TDRD9: variants seen among roughly 807,000 people sequenced by gnomAD.
The protein encoded by TDRD9 is ATP-dependent RNA helicase TDRD9.
A neutral mutation model predicts 172.6 loss-of-function variants in TDRD9; 124 were observed. The observed-to-expected ratio is 0.72, with a 90% confidence interval of 0.62 to 0.83. The LOEUF (loss-of-function observed/expected upper bound fraction) is 0.83, where lower values mean the gene tolerates loss of function less well. TDRD9 is among the 40% of genes least tolerant of loss of function. TDRD9 has a pLI of 0.00. For synonymous variants in TDRD9, 619 were observed against 617.1 expected, an observed-to-expected ratio of 1.00 and a Z score of -0.05; for missense variants, 1,479 against 1,714.1, an observed-to-expected ratio of 0.86 and a Z score of 2.42.
At chr14:103,998,159 T>TCCAC (rs1164118156) in intron 12 of TDRD9, among the ~76,000 whole-genome samples, 1 of 143,876 alleles carries the variant, frequency 7.0e-6, no homozygotes, top group East Asian at 2.1e-4. Flanking sequence ...CATGCACACT[T>TCCAC]CTACCCACCC....
chr14:103,960,269 T>A (rs2032446913), intron 2 of TDRD9, among the ~76,000 whole-genome samples: 1 of 152,220 alleles, frequency 6.6e-6, no homozygotes, highest in African/African-American at 2.4e-5. Flanking sequence ...CAGTTAAAAT[T>A]CCTTACATGC....
chr14:104,030,310 C>A (rs538283916), intron 28 of TDRD9, among the ~76,000 whole-genome samples: 1 of 152,110 alleles, frequency 6.6e-6, no homozygotes, highest in East Asian at 1.9e-4. Flanking sequence ...CTGACCAACA[C>A]GGTGAAATCC....
At chr14:104,037,322 T>C (rs759745516) in intron 32 of TDRD9, among the ~76,000 whole-genome samples, 6 of 152,190 alleles carry the variant, frequency 3.9e-5, no homozygotes, top group Non-Finnish European at 8.8e-5. Flanking sequence ...ACCTCTCTAA[T>C]GCGCACCCGC....
At chr14:103,959,664 A>G (rs558645126) in intron 2 of TDRD9, among the ~76,000 whole-genome samples, 2 of 152,302 alleles carry the variant, frequency 1.3e-5, no homozygotes, top group African/African-American at 4.8e-5. Context: ...TTGGCCTGAT[A>G]CAGGTGTTAT....
At chr14:104,042,223 C>T (rs1437073014) in intron 34 of TDRD9, 36 bp downstream of exon 34, 1 of 1,418,720 alleles carries the variant, frequency 7.0e-7, no homozygotes, top group East Asian at 2.3e-5. Flanking sequence ...CTTTTCTTCC[C>T]AGTCAACTTT....
At chr14:104,015,668 G>A (rs1306484913) in intron 21 of TDRD9, among the ~76,000 whole-genome samples, 1 of 152,210 alleles carries the variant, frequency 6.6e-6, no homozygotes, top group African/African-American at 2.4e-5. Flanking sequence ...GGGGCTTTGT[G>A]TGTAGGATGG....
At chr14:104,039,245 C>G (rs1566802017) in intron 32 of TDRD9, among the ~76,000 whole-genome samples, 2 of 152,186 alleles carry the variant, frequency 1.3e-5, no homozygotes, top group Non-Finnish European at 2.9e-5. Flanking sequence ...TAACCACCCT[C>G]ATGATTAACT....
In TDRD9 at chr14:104,026,885, C is replaced by A; in HGVS notation, c.3228C>A (p.Asp1076Glu). Residue 1076 changes from aspartate (D) to glutamate (E), a missense_variant, in exon 28 of 36, where the codon GAC becomes GAA. By Grantham distance (45) the Asp-to-Glu change is conservative. Transcript: ENST00000409874. ...TCCAGGATGCCATCAACATAAGAGA[C>A]GTCCTCATCCAGCAGGGCTATGCCG... ...SGVQDAINIRDVLIQQGYAEL... is the reference protein window; with the variant it reads ...SGVQDAINIREVLIQQGYAEL... 6.2e-7 allele frequency: 1 copy of A among 1,614,036 alleles called. No homozygotes were observed. Among genetic ancestry groups the A allele is most frequent in the Non-Finnish European group, 8.5e-7 (1 of 1,179,880 alleles).
intron 7 of TDRD9, among the ~76,000 whole-genome samples, chr14:103,982,221 A>G (rs2033499334): frequency 6.6e-6 from 1 of 152,150 alleles, no homozygotes; most frequent in Non-Finnish European, 1.5e-5. Context: ...CCACACTGAA[A>G]CATAACTGAA....
chr14:104,000,828 T>C (rs570253845), intron 13 of TDRD9, among the ~76,000 whole-genome samples: 3 of 152,194 alleles, frequency 2.0e-5, no homozygotes, highest in South Asian at 2.1e-4. Context: ...GAAATAAATA[T>C]ACAAAGATGT....
At position 104,042,133 on chromosome 14, in the gene TDRD9, T is replaced by C; in HGVS notation, c.3920T>C (p.Leu1307Pro). 6.2e-7 allele frequency: 1 copy of C among 1,613,850 alleles called. No homozygotes were observed. The highest frequency in any genetic ancestry group is 8.5e-7 in the Non-Finnish European group (1 of 1,179,730). The change falls in exon 34 of 36, where the codon CTT (leucine) becomes CCT (proline). Residue 1307 changes from leucine (L) to proline (P), a missense_variant. This residue lies in a region of TDRD9 where 1,413 missense variants were observed against 1,649.1 expected (regional missense o/e 0.86). Coordinates refer to ENST00000409874, the MANE Select transcript of TDRD9 (RefSeq NM_153046.3). Reference sequence around the variant, plus strand: ...GATGGACCAAATGGATGCAAGTGTCTTGGGCCAGAGAGAGTTGCGCAGCTT... The same window carrying C: ...GATGGACCAAATGGATGCAAGTGTCCTGGGCCAGAGAGAGTTGCGCAGCTT... ...VCDGPNGCKC[L>P]GPERVAQLQD...
At position 104,032,041 on chromosome 14, in the gene TDRD9, C is replaced by T; in HGVS notation, c.3463C>T (p.Pro1155Ser). ...GGCAGAACTTCACGGGCCTTTTAAC[C>T]CTTATGAACTAAAGTGCCATAGTTT... ...CKAELHGPFN[P>S]YELKCHSLTR... Residue 1155 changes from proline (P) to serine (S), a missense_variant, in exon 30 of 36, where the codon CCT becomes TCT. Pro to Ser is a moderately conservative substitution (Grantham distance 74). Coordinates refer to ENST00000409874, the MANE Select transcript of TDRD9 (RefSeq NM_153046.3). 6.5e-7 allele frequency: 1 copy of T among 1,548,904 alleles called. No individual in the cohort carries two copies. The highest frequency in any genetic ancestry group is 8.7e-7 in the Non-Finnish European group (1 of 1,146,220).
At chr14:104,012,456 G>A (rs1442640528) in intron 20 of TDRD9, among the ~76,000 whole-genome samples, 1 of 149,640 alleles carries the variant, frequency 6.7e-6, no homozygotes, top group Non-Finnish European at 1.5e-5. Flanking sequence ...TCATTTGTCA[G>A]TTTTCTTGTG....
At chr14:103,990,438 C>T (rs1213780619) in intron 8 of TDRD9, among the ~76,000 whole-genome samples, 1 of 152,228 alleles carries the variant, frequency 6.6e-6, no homozygotes, top group East Asian at 1.9e-4. Flanking sequence ...TCCCTCCTCA[C>T]CTCCCATTAC....
At chr14:103,939,097 T>A (rs2031004584) in intron 1 of TDRD9, among the ~76,000 whole-genome samples, 1 of 152,190 alleles carries the variant, frequency 6.6e-6, no homozygotes. Flanking sequence ...CCAGAAGCTT[T>A]TTGCCGGGAG....
chr14:104,036,032 A>G (rs2152258293), intron 32 of TDRD9, among the ~76,000 whole-genome samples: 1 of 152,150 alleles, frequency 6.6e-6, no homozygotes, highest in East Asian at 1.9e-4. Context: ...AATATGTGCT[A>G]CTTAGAAAAA....
intron 19 of TDRD9, among the ~76,000 whole-genome samples, chr14:104,007,468 G>T (rs1000253958): frequency 6.6e-5 from 10 of 152,166 alleles, no homozygotes; most frequent in Admixed American, 2.0e-4. Flanking sequence ...GCTCCACATT[G>T]TACTGATCTT....
At chr14:103,994,145 G>A (rs1414387052) in intron 9 of TDRD9, among the ~76,000 whole-genome samples, 187 bp from the exon 10 acceptor site, 2 of 152,214 alleles carry the variant, frequency 1.3e-5, no homozygotes, top group Non-Finnish European at 2.9e-5. Flanking sequence ...ATATTTTTGA[G>A]TTACTACTAA....
intron 34 of TDRD9, among the ~76,000 whole-genome samples, chr14:104,045,328 G>A (rs909742955): frequency 6.0e-5 from 9 of 149,170 alleles, no homozygotes; most frequent in African/African-American, 2.0e-4. Context: ...ATTAATTTTC[G>A]TTTCCTTAAT....
Sources: allele counts gnomAD v4.1 joint callset (sites outside exome capture counted in the v4.1 genomes callset), GRCh38; gene constraint gnomAD v4.1.1; regional missense constraint gnomAD v4.1.1; transcripts MANE v1.5; gene names NCBI Gene and HGNC (gene_info 2026-07-23, HGNC 2026-07-21).